The following CCDC180 variants were observed in gnomAD, a reference collection of about 807,000 sequenced individuals.
CCDC180 encodes the protein coiled-coil domain containing 180.
A neutral mutation model predicts 209.2 loss-of-function variants in CCDC180; 154 were observed. The observed-to-expected ratio is 0.74, with a 90% confidence interval of 0.65 to 0.84. The LOEUF (loss-of-function observed/expected upper bound fraction) is 0.84, where lower values mean the gene tolerates loss of function less well. Ranked by LOEUF, CCDC180 falls within the 40% of genes least tolerant of loss-of-function variation. CCDC180 has a pLI of 0.00. For missense variants in CCDC180, 1,874 were observed against 1,997.3 expected (o/e 0.94, Z 1.18); for synonymous variants, 778 against 749.1 (o/e 1.04, Z -0.63).
At chr9:97,363,926 T>C in intron 28 of CCDC180, 125 bp from the exon 29 acceptor site, 1 of 815,170 alleles carries the variant, frequency 1.2e-6, no homozygotes, top group East Asian at 2.5e-5. Context: ...GCCCTAGAAA[T>C]GGAAGTCCGG....
At chr9:97,317,820 G>A (rs931825013) in intron 9 of CCDC180, among the ~76,000 whole-genome samples, 9 of 152,072 alleles carry the variant, frequency 5.9e-5, no homozygotes, top group East Asian at 1.9e-4. Flanking sequence ...TTGAACATTC[G>A]GAATCTGTCT....
intron 9 of CCDC180, among the ~76,000 whole-genome samples, 167 bp downstream of exon 9, chr9:97,317,395 A>G (rs921535611): frequency 6.6e-6 from 1 of 152,212 alleles, no homozygotes; most frequent in Non-Finnish European, 1.5e-5. Context: ...ATTAAAAATC[A>G]CCACTAATCT....
intron 32 of CCDC180, 132 bp from the exon 33 acceptor site, chr9:97,370,509 G>T: frequency 2.0e-6 from 2 of 1,002,722 alleles, no homozygotes; most frequent in South Asian, 1.7e-5. Context: ...CCACTCTTCT[G>T]CCCACCCATC....
At chr9:97,362,129 C>T in intron 27 of CCDC180, 67 bp from the exon 28 acceptor site, 1 of 1,559,532 alleles carries the variant, frequency 6.4e-7, no homozygotes, top group Non-Finnish European at 8.7e-7. Context: ...GGATGCTGCT[C>T]AGAGCCTGGC....
intron 29 of CCDC180, among the ~76,000 whole-genome samples, chr9:97,364,888 T>C (rs765316976): frequency 6.6e-6 from 1 of 152,344 alleles, no homozygotes; most frequent in Admixed American, 6.5e-5. Flanking sequence ...ATCGAGGCAC[T>C]GCCCGGTACA....
rs139652887 is a variant in CCDC180, at chr9:97,316,972, C to T, written c.796-93C>T. ...TTGGCCCTCACCCTGCACCTCCCCT[C>T]TCCAGCCTCCCACTGCTCCTCTCTA... On this transcript the variant is annotated intron_variant, in intron 8 of 36. Coordinates refer to ENST00000529487, the MANE Select transcript of CCDC180 (RefSeq NM_020893.6). 6.7e-5 allele frequency: 88 copies of T among 1,305,428 alleles called. No individual in the cohort carries two copies. In the African/African-American group the frequency reaches 1.2e-3, roughly 17 times the overall value. The allele number at this position is 1,305,428 out of a possible 1,614,324, so 80.9% of individuals were successfully genotyped here.
At chr9:97,362,502 AGAT>A in intron 28 of CCDC180, 61 bp downstream of exon 28, 1 of 1,577,584 alleles carries the variant, frequency 6.3e-7, no homozygotes, top group Non-Finnish European at 8.6e-7. Context: ...CAAAGGCAGG[AGAT>A]GACCTATGGC....
At chr9:97,362,104 G>C in intron 27 of CCDC180, 92 bp from the exon 28 acceptor site, 1 of 1,508,092 alleles carries the variant, frequency 6.6e-7, no homozygotes. Context: ...CTGACGTGGC[G>C]CTGAGGACTA....
rs1397926229 is a variant in CCDC180, at chr9:97,347,434, C to T, written c.2619C>T (p.His873=). The change falls in exon 20 of 37, where the codon CAC becomes CAT. Residue 873 remains histidine, a synonymous_variant. Transcript: ENST00000529487. ...ELDSELELHL[H]LHQPRAQQIE... Reference sequence around the variant, plus strand: ...ATTCAGAACTGGAGCTGCATCTGCACCTGCACCAGCCAAGAGCCCAGCAGA... The same window carrying T: ...ATTCAGAACTGGAGCTGCATCTGCATCTGCACCAGCCAAGAGCCCAGCAGA... 6.5e-7 allele frequency: 1 copy of T among 1,536,022 alleles called. No homozygotes were observed. Among genetic ancestry groups the T allele is most frequent in the African/African-American group, 1.4e-5 (1 of 73,042 alleles).
chr9:97,366,151 C>CCTGTCTGCCTCCCACGGGT lies in CCDC180; in HGVS notation c.4048-395_4048-377dup, dbSNP rs1198766809. Reference sequence around the variant, plus strand: ...CTGCACCGTAGTGCGAGTGCCTTCTCCTGTCTGCCTCCCACGGGTCTGTCT... The same window carrying CCTGTCTGCCTCCCACGGGT: ...CTGCACCGTAGTGCGAGTGCCTTCTCCTGTCTGCCTCCCACGGGTCTGTCTGCCTCCCACGGGTCTGTCT... On this transcript the variant is annotated intron_variant, in intron 30 of 36. Transcript: ENST00000529487. The surrounding 1 kb of genome is among the most constrained non-coding windows in gnomAD (Gnocchi z 4.3). Among the ~76,000 whole-genome samples, 1 of 152,210 alleles carries CCTGTCTGCCTCCCACGGGT rather than the reference C, an allele frequency of 6.6e-6. No homozygotes were observed. The highest frequency in any genetic ancestry group is 1.5e-5 in the Non-Finnish European group (1 of 68,036).
At position 97,374,622 on chromosome 9, in the gene CCDC180, G is replaced by C. The variant is rs1239882107; in HGVS notation, c.4680G>C (p.Glu1560Asp). 4 of 1,613,980 alleles carry C rather than the reference G, an allele frequency of 2.5e-6. No individual in the cohort carries two copies. The Admixed American group carries it at 6.7e-5, about 27-fold the overall frequency. Residue 1560 changes from glutamate (E) to aspartate (D), a missense_variant, in exon 35 of 37, where the codon GAG (glutamate) becomes GAC (aspartate). Glu to Asp is a conservative substitution (Grantham distance 45). Transcript: ENST00000529487. ...LAGLSLKEESEKPLIERGSRK... is the reference protein window; with the variant it reads ...LAGLSLKEESDKPLIERGSRK... The stretch of plus-strand genomic sequence containing the variant: ...GGCTCTCCCTGAAGGAAGAGAGTGA[G>C]AAACCCCTGATTGAACGTGGAAGCA...
intron 8 of CCDC180, 115 bp from the exon 9 acceptor site, chr9:97,316,950 G>A: frequency 2.0e-6 from 2 of 979,580 alleles, no homozygotes; most frequent in Non-Finnish European, 1.5e-6. Context: ...ACCCCACTTG[G>A]CCCTCACCCT....
At chr9:97,307,850 G>T (rs760245890) in intron 1 of CCDC180, 44 bp downstream of exon 1, 2 of 1,611,684 alleles carry the variant, frequency 1.2e-6, no homozygotes, top group East Asian at 2.2e-5. Flanking sequence ...CTAAGTCGAC[G>T]TTCCCCAGCC....
At position 97,330,747 on chromosome 9, in the gene CCDC180, G is replaced by A. The variant is rs1825717248; in HGVS notation, c.2254G>A (p.Glu752Lys). Residue 752 changes from glutamate to lysine, a missense_variant, in exon 18 of 37, where the codon GAG becomes AAG. Physicochemically the swap from Glu to Lys is moderately conservative, Grantham distance 56. Coordinates refer to ENST00000529487, the MANE Select transcript of CCDC180 (RefSeq NM_020893.6). ...GGAGAAGGAGGCACAGGAAGAGCAA[G>A]AGAGTTTATCTGTGGGTGAGGTAAG... ...KEEKEAQEEQ[E>K]SLSVGEEEDK... 1 of 1,600,916 alleles carries A rather than the reference G, an allele frequency of 6.2e-7. No individual in the cohort carries two copies.
chr9:97,365,714 G>A lies in CCDC180; in HGVS notation c.4022G>A (p.Ser1341Asn), dbSNP rs779087274. 23 of 1,614,000 alleles carry A rather than the reference G, an allele frequency of 1.4e-5. No homozygotes were observed. Among genetic ancestry groups the A allele is most frequent in the Non-Finnish European group, 1.9e-5 (22 of 1,180,016 alleles). Residue 1341 changes from serine to asparagine, a missense_variant, in exon 30 of 37, where the codon AGT becomes AAT. Coordinates refer to ENST00000529487, the MANE Select transcript of CCDC180 (RefSeq NM_020893.6). ...GIILTLLWES[S>N]ENLLTVAEEF... ...ATCTTGACCCTCCTCTGGGAGAGCA[G>A]TGAGAACCTGCTGACAGTCGCAGAG... is the stretch of plus-strand genomic sequence containing the variant.
chr9:97,328,107 C>G lies in CCDC180; in HGVS notation c.1749C>G (p.Ala583=), dbSNP rs370113377. The change falls in exon 16 of 37, where the codon GCC becomes GCG. Residue 583 remains alanine (A), a synonymous_variant. Transcript: ENST00000529487. ...MLKELNSYSS[A]LSQYFFVREI... ...AAGAACTCAACTCCTACAGCTCTGC[C>G]CTCAGCCAATACTTCTTTGTGCGTG... 8 of 1,613,942 alleles carry G rather than the reference C, an allele frequency of 5.0e-6. No homozygotes were observed. Among genetic ancestry groups the G allele is most frequent in the Non-Finnish European group, 6.8e-6 (8 of 1,179,972 alleles).
chr9:97,365,583 G>A (rs1826894864), intron 29 of CCDC180, 90 bp from the exon 30 acceptor site: 2 of 1,185,568 alleles, frequency 1.7e-6, no homozygotes, highest in Non-Finnish European at 2.5e-6. Context: ...GGCCAAAACA[G>A]AGCACTTGGA....
chr9:97,373,986 C>G (rs761349821), intron 34 of CCDC180: 6 of 153,188 alleles, frequency 3.9e-5, no homozygotes, highest in Non-Finnish European at 8.7e-5. Context: ...AGGCCTCTGC[C>G]TACTCTGCAA....
chr9:97,330,111 A>T, intron 16 of CCDC180, 43 bp from the exon 17 acceptor site: 1 of 1,513,038 alleles, frequency 6.6e-7, no homozygotes, highest in Non-Finnish European at 9.1e-7. Context: ...CTCTGAAGAA[A>T]GGCAGTGCAG....
Sources: gnomAD v4.1 joint callset for allele counts (sites outside exome capture counted in the v4.1 genomes callset) on GRCh38, gnomAD v4.1.1 for gene constraint, Gnocchi (gnomAD v3.1) non-coding constraint, MANE v1.5 for transcripts, NCBI Gene and HGNC (gene_info 2026-07-23, HGNC 2026-07-21) for gene names.